SMURF1: variants seen among roughly 807,000 people sequenced by gnomAD.
SMURF1 encodes E3 ubiquitin-protein ligase SMURF1.
Under a neutral mutation model 98.0 loss-of-function variants are expected in SMURF1, and 44 were observed. The observed-to-expected ratio is 0.45, with a 90% CI of 0.35 to 0.58. The LOEUF is 0.58. SMURF1 is among the 20% of genes least tolerant of loss of function. SMURF1 has a pLI of 0.00. For synonymous variants in SMURF1, 396 were observed against 374.9 expected (o/e 1.06, Z -0.65); for missense variants, 687 against 938.4 (o/e 0.73, Z 3.50).
intron 1 of SMURF1, among the ~76,000 whole-genome samples, chr7:99,110,432 G>A (rs1180428844): frequency 6.6e-6 from 1 of 152,028 alleles, no homozygotes; most frequent in Admixed American, 6.5e-5. Context: ...AAGAATCAGG[G>A]AACTAGATAT....
chr7:99,126,703 T>C (rs1797754232), intron 1 of SMURF1, among the ~76,000 whole-genome samples: 1 of 152,248 alleles, frequency 6.6e-6, no homozygotes, highest in Non-Finnish European at 1.5e-5. Flanking sequence ...AAATTATGTA[T>C]ACAGATATTT....
chr7:99,128,035 T>C (rs1342146094), intron 1 of SMURF1, among the ~76,000 whole-genome samples: 1 of 152,184 alleles, frequency 6.6e-6, no homozygotes, highest in Non-Finnish European at 1.5e-5. Flanking sequence ...TTTGTACTGT[T>C]CAGATGAACC....
At chr7:99,122,254 G>A (rs1479483650) in intron 1 of SMURF1, among the ~76,000 whole-genome samples, 3 of 151,840 alleles carry the variant, frequency 2.0e-5, no homozygotes, top group African/African-American at 7.3e-5. Context: ...CTTGAACCCG[G>A]GAGGCAGAGG....
At chr7:99,076,114 C>T (rs1461177319) in intron 1 of SMURF1, among the ~76,000 whole-genome samples, 2 of 152,110 alleles carry the variant, frequency 1.3e-5, no homozygotes, top group Non-Finnish European at 2.9e-5. Flanking sequence ...CAATGTTGCC[C>T]AGCCTGGTCT....
In SMURF1 at chr7:99,030,250, G is replaced by A. The variant is rs189096289; in HGVS notation, c.*334C>T. ...CCCCTAACTGTGAGTTGATGCTCCCGTAAAGAGCTCAGGGCTGTGAGCCTT... is the reference window on the plus strand; with the variant it reads ...CCCCTAACTGTGAGTTGATGCTCCCATAAAGAGCTCAGGGCTGTGAGCCTT... On this transcript the variant is annotated 3_prime_UTR_variant, in exon 18 of 18. Transcript: ENST00000361368. The A allele has an allele frequency of 1.5e-4, 38 of 252,624 alleles. No homozygotes were observed. The highest frequency in any genetic ancestry group is 7.5e-4 in the Admixed American group (15 of 20,064). 15.6% of individuals were successfully genotyped at this position (252,624 alleles called of 1,614,324 possible). A position where few individuals can be genotyped will look rare whatever the true frequency, so the allele number is the denominator to read the frequency against.
chr7:99,050,894 TGGGGGG>T, intron 8 of SMURF1: 2 of 1,314,542 alleles, frequency 1.5e-6, no homozygotes, highest in Non-Finnish European at 2.1e-6. Context: ...TGTTATGGGG[TGGGGGG>T]GGGGTCTCTC....
At chr7:99,047,545 G>T in intron 10 of SMURF1, 139 bp downstream of exon 10, 1 of 833,434 alleles carries the variant, frequency 1.2e-6, no homozygotes, top group Non-Finnish European at 1.9e-6. Context: ...AGAAAGAAGG[G>T]TTCCCTGAAA....
At chr7:99,131,716 CAA>C (rs1019135248) in intron 1 of SMURF1, among the ~76,000 whole-genome samples, 6 of 152,048 alleles carry the variant, frequency 3.9e-5, no homozygotes, top group Non-Finnish European at 8.8e-5. Flanking sequence ...GATCCTGTCT[CAA>C]AGAAAATGCA....
chr7:99,037,993 A>G (rs1043272188), intron 14 of SMURF1, among the ~76,000 whole-genome samples: 1 of 152,254 alleles, frequency 6.6e-6, no homozygotes, highest in African/African-American at 2.4e-5. Flanking sequence ...CTAGGCCGCA[A>G]GTGCCTAGGC....
At chr7:99,104,296 C>T (rs1797150111) in intron 1 of SMURF1, among the ~76,000 whole-genome samples, 1 of 152,154 alleles carries the variant, frequency 6.6e-6, no homozygotes, top group Non-Finnish European at 1.5e-5. Flanking sequence ...TCATAGAAAT[C>T]AGAAGAAATA....
At chr7:99,045,655 T>G (rs757342043) in intron 11 of SMURF1, 43 bp downstream of exon 11, 1 of 1,494,534 alleles carries the variant, frequency 6.7e-7, no homozygotes, top group Admixed American at 1.7e-5. Flanking sequence ...TTGAAAAGAC[T>G]GAGATCCACA....
At chr7:99,130,538 G>A (rs1040502525) in intron 1 of SMURF1, among the ~76,000 whole-genome samples, 1 of 152,078 alleles carries the variant, frequency 6.6e-6, no homozygotes, top group East Asian at 1.9e-4. Context: ...AAAATTTATG[G>A]GGCTAAGTTC....
At chr7:99,096,706 C>T (rs1348822816) in intron 1 of SMURF1, among the ~76,000 whole-genome samples, 1 of 152,154 alleles carries the variant, frequency 6.6e-6, no homozygotes, top group African/African-American at 2.4e-5. Flanking sequence ...TCTAAAATTA[C>T]AGCTGGAGAC....
chr7:99,038,573 C>T (rs1046933063), intron 13 of SMURF1, 48 bp from the exon 14 acceptor site: 10 of 1,592,984 alleles, frequency 6.3e-6, no homozygotes, highest in East Asian at 4.5e-5. Flanking sequence ...TGCCACCACG[C>T]GGGGCCATTG....
In SMURF1 at chr7:99,027,591, A is replaced by G. The variant is rs1037306029; in HGVS notation, c.*2993T>C. ...TTCATTAAATACTTTTGATTTTGACATAGAACATTAGTGTACAACTTTCAC... is the reference window on the plus strand; with the variant it reads ...TTCATTAAATACTTTTGATTTTGACGTAGAACATTAGTGTACAACTTTCAC... On this transcript the variant is annotated 3_prime_UTR_variant, in exon 18 of 18. Coordinates refer to ENST00000361368, the MANE Select transcript of SMURF1 (RefSeq NM_181349.3). The G allele has an allele frequency of 2.6e-5, 4 of 152,696 alleles. No homozygotes were observed. The highest frequency in any genetic ancestry group is 4.4e-5 in the Non-Finnish European group (3 of 68,052). The allele number at this position is 152,696 out of a possible 1,614,324, so 9.5% of individuals were successfully genotyped here.
chr7:99,056,864 G>A (rs756162522), intron 5 of SMURF1, among the ~76,000 whole-genome samples: 8 of 151,658 alleles, frequency 5.3e-5, no homozygotes, highest in South Asian at 2.1e-4. Flanking sequence ...TTAGCCAGGC[G>A]TGGTGGCACA....
chr7:99,038,375 C>G lies in SMURF1; in HGVS notation c.1688+13G>C. ...GCCCCAGGCACCTGGCCGTCCCCGA[C>G]AGGTGGCATTACCGGACGTATTCTT... is the stretch of plus-strand genomic sequence containing the variant. On this transcript the variant is annotated intron_variant, in intron 14 of 17. Transcript: ENST00000361368. 6.2e-7 allele frequency: 1 copy of G among 1,613,306 alleles called. No homozygotes were observed. Among genetic ancestry groups the G allele is most frequent in the Non-Finnish European group, 8.5e-7 (1 of 1,179,774 alleles).
At chr7:99,100,023 C>T (rs1797039634) in intron 1 of SMURF1, among the ~76,000 whole-genome samples, 3 of 151,816 alleles carry the variant, frequency 2.0e-5, no homozygotes, top group South Asian at 2.1e-4. Flanking sequence ...GTCAAATCCC[C>T]GGAGAATCCT....
intron 13 of SMURF1, among the ~76,000 whole-genome samples, chr7:99,039,339 ATTTTCT>A (rs1412674775): frequency 6.6e-6 from 1 of 151,020 alleles, no homozygotes; most frequent in Non-Finnish European, 1.5e-5. Context: ...AGAGTGGAAG[ATTTTCT>A]TTTTCTTTCT....
Sources: gnomAD v4.1 joint callset for allele counts (sites outside exome capture counted in the v4.1 genomes callset) on GRCh38, gnomAD v4.1.1 for gene constraint, MANE v1.5 for transcripts, NCBI Gene and HGNC (gene_info 2026-07-23, HGNC 2026-07-21) for gene names.